PCNX1: variants seen among roughly 807,000 people sequenced by gnomAD.
The protein encoded by PCNX1 is pecanex 1.
In PCNX1, 78 loss-of-function variants were observed where a neutral mutation model predicts 242.2. That is an observed-to-expected ratio of 0.32 (90% confidence interval 0.27 to 0.39). PCNX1 has a LOEUF of 0.39. Among genes scored for constraint, PCNX1 ranks in the 10% least tolerant of loss-of-function variants. PCNX1 has a pLI of 1.00. For synonymous variants in PCNX1, 1,024 were observed against 1,032.9 expected (o/e 0.99, Z 0.17); for missense variants, 2,581 against 2,856.5 (o/e 0.90, Z 2.20).
intron 33 of PCNX1, among the ~76,000 whole-genome samples, chr14:71,107,689 A>G (rs137965783): frequency 4.1e-4 from 63 of 152,318 alleles, no homozygotes; most frequent in African/African-American, 1.5e-3. Context: ...CCCCAAATGT[A>G]TATGAAAATT....
chr14:71,067,469 A>G (rs2061477157), intron 26 of PCNX1, among the ~76,000 whole-genome samples: 2 of 151,776 alleles, frequency 1.3e-5, no homozygotes, highest in Non-Finnish European at 2.9e-5. Context: ...TATCTCCTTT[A>G]TCATTTTTTG....
intron 1 of PCNX1, among the ~76,000 whole-genome samples, chr14:70,916,031 A>C (rs1473154232): frequency 6.6e-6 from 1 of 152,128 alleles, no homozygotes; most frequent in African/African-American, 2.4e-5. Flanking sequence ...TGATTTATGT[A>C]ATCTCCTTAG....
intron 1 of PCNX1, among the ~76,000 whole-genome samples, chr14:70,932,222 A>T (rs1479274999): frequency 2.0e-5 from 3 of 152,230 alleles, no homozygotes; most frequent in Non-Finnish European, 4.4e-5. Context: ...TAATAGCTGG[A>T]TGTGAAACTA....
At chr14:71,065,981 T>TA (rs1049412444) in intron 26 of PCNX1, among the ~76,000 whole-genome samples, 23 of 172 alleles carry the variant, frequency 0.13, no homozygotes, top group East Asian at 0.5. Context: ...ATATATCTGT[T>TA]TTGTACAAGT....
chr14:71,044,652 C>A (rs557274042), intron 19 of PCNX1: 1 of 153,934 alleles, frequency 6.5e-6, no homozygotes, highest in South Asian at 2.0e-4. Context: ...ACCACAGTGA[C>A]CAAAGCCAGC....
In PCNX1 at chr14:70,977,224, C is replaced by A; in HGVS notation, c.887C>A (p.Thr296Asn). 6.2e-7 allele frequency: 1 copy of A among 1,614,222 alleles called. No homozygotes were observed. The highest frequency in any genetic ancestry group is 8.5e-7 in the Non-Finnish European group (1 of 1,180,040). ...TSSSAVAFPD[T>N]SLNDFPLYQQ... is the part of the protein sequence containing the mutation. ...AGCTCTGCTGTGGCTTTTCCAGACA[C>A]TTCACTGAATGATTTTCCCCTTTAT... Residue 296 changes from threonine to asparagine, a missense_variant, in exon 6 of 36, where the codon ACT becomes AAT. Physicochemically the swap from Thr to Asn is moderately conservative, Grantham distance 65. Transcript: ENST00000304743.
At chr14:70,938,921 G>A (rs61988726) in intron 1 of PCNX1, among the ~76,000 whole-genome samples, 2,221 of 152,272 alleles carry the variant, frequency 0.015, 25 homozygotes, top group Middle Eastern at 0.034. Context: ...TTGCGTAGAC[G>A]TGTTTATGGT....
rs377478955 is a variant in PCNX1 at position 70,978,428 on chromosome 14, A to G, written c.2091A>G (p.Thr697=). 10 of 1,614,136 alleles carry G rather than the reference A, an allele frequency of 6.2e-6. No individual in the cohort carries two copies. The highest frequency in any genetic ancestry group is 7.6e-6 in the Non-Finnish European group (9 of 1,180,044). Residue 697 remains threonine (T), a synonymous_variant, in exon 6 of 36, where the codon ACA becomes ACG. Coordinates refer to ENST00000304743, the MANE Select transcript of PCNX1 (RefSeq NM_014982.3). The part of the protein sequence containing the change: ...RARVLSLDSG[T]VACLNDSNRL... ...GAGTGTTGAGCCTGGACAGTGGCAC[A>G]GTAGCATGTTTGAATGACTCAAACA...
chr14:71,015,847 A>T (rs1566702853), intron 11 of PCNX1, among the ~76,000 whole-genome samples: 1 of 152,120 alleles, frequency 6.6e-6, no homozygotes, highest in African/African-American at 2.4e-5. Flanking sequence ...GGCAGATTAG[A>T]TAAAAAAGAA....
chr14:71,028,899 A>G (rs2060308619), intron 16 of PCNX1, 108 bp downstream of exon 16: 1 of 594,220 alleles, frequency 1.7e-6, no homozygotes, highest in Admixed American at 3.3e-5. Context: ...GCTTAGCATT[A>G]ATTTTCATGG....
intron 24 of PCNX1, among the ~76,000 whole-genome samples, 158 bp downstream of exon 24, chr14:71,052,170 A>G (rs1438269407): frequency 6.6e-6 from 1 of 152,086 alleles, no homozygotes; most frequent in Non-Finnish European, 1.5e-5. Flanking sequence ...TGAAAAGTAT[A>G]TAAAAGAAGA....
At chr14:70,955,380 C>T (rs1053187530) in intron 2 of PCNX1, among the ~76,000 whole-genome samples, 1 of 152,118 alleles carries the variant, frequency 6.6e-6, no homozygotes, top group Non-Finnish European at 1.5e-5. Flanking sequence ...TATCCTTATT[C>T]TTATGAGCAT....
At chr14:71,047,209 G>T (rs1011257535) in intron 21 of PCNX1, 104 bp downstream of exon 21, 1 of 676,426 alleles carries the variant, frequency 1.5e-6, no homozygotes. Flanking sequence ...TTCATGCAAG[G>T]CACTGTGAGA....
At chr14:71,015,286 C>T (rs535183010) in intron 11 of PCNX1, among the ~76,000 whole-genome samples, 1 of 152,230 alleles carries the variant, frequency 6.6e-6, no homozygotes, top group African/African-American at 2.4e-5. Flanking sequence ...AATGGTAAGT[C>T]ACTATATGGA....
intron 17 of PCNX1, 88 bp downstream of exon 17, chr14:71,033,626 A>T (rs539489603): frequency 2.7e-6 from 2 of 732,646 alleles, no homozygotes; most frequent in South Asian, 1.7e-5. Flanking sequence ...CTTTTTCCCA[A>T]TGCCTTTCCA....
At chr14:71,054,243 C>G (rs1450126159) in intron 24 of PCNX1, among the ~76,000 whole-genome samples, 1 of 152,190 alleles carries the variant, frequency 6.6e-6, no homozygotes, top group Non-Finnish European at 1.5e-5. Flanking sequence ...TCAAAATTCA[C>G]TCATCTGTCT....
chr14:70,978,775 T>G (rs1361669018), intron 6 of PCNX1, 127 bp downstream of exon 6: 2 of 840,108 alleles, frequency 2.4e-6, no homozygotes, highest in Non-Finnish European at 1.7e-6. Context: ...AAAATAAGCT[T>G]TCTTGAATGA....
chr14:70,949,444 T>C (rs1274109562), intron 2 of PCNX1, among the ~76,000 whole-genome samples: 4 of 151,734 alleles, frequency 2.6e-5, no homozygotes, highest in African/African-American at 9.7e-5. Flanking sequence ...TATGTGTATA[T>C]ATGTATAATA....
chr14:70,936,946 G>T (rs1328289272), intron 1 of PCNX1, among the ~76,000 whole-genome samples: 2 of 152,208 alleles, frequency 1.3e-5, no homozygotes. Flanking sequence ...AGAAGTGTCT[G>T]TGTATATCCT....
Sources: allele counts gnomAD v4.1 joint callset (sites outside exome capture counted in the v4.1 genomes callset), GRCh38; gene constraint gnomAD v4.1.1; transcripts MANE v1.5; gene names NCBI Gene and HGNC (gene_info 2026-07-23, HGNC 2026-07-21).